The following METAP1 variants were observed in gnomAD, a reference collection of about 807,000 sequenced individuals.
METAP1 encodes methionyl aminopeptidase 1.
METAP1 carries 28 observed loss-of-function variants against 53.8 expected under a neutral mutation model. That is an observed-to-expected ratio of 0.52 (90% confidence interval 0.39 to 0.71). METAP1 has a LOEUF of 0.71. METAP1 is among the 30% of genes least tolerant of loss of function. The pLI, the probability that METAP1 is intolerant of heterozygous loss-of-function variation, is 0.00. For synonymous variants in METAP1, 181 were observed against 165.7 expected (o/e 1.09, Z -0.71); for missense variants, 389 against 479.8 (o/e 0.81, Z 1.77).
chr4:99,014,257 A>G (rs953334626), intron 1 of METAP1, among the ~76,000 whole-genome samples: 1 of 152,198 alleles, frequency 6.6e-6, no homozygotes, highest in African/African-American at 2.4e-5. Flanking sequence ...TAAAGCAGTA[A>G]GTCCCTCTAG....
intron 1 of METAP1, among the ~76,000 whole-genome samples, chr4:99,014,286 A>G (rs530900350): frequency 5.7e-4 from 87 of 152,254 alleles, no homozygotes; most frequent in Admixed American, 1.7e-3. Context: ...TTATACTTCT[A>G]TCTGGGGCTG....
rs1560685144 is a variant in METAP1 at position 98,995,723 on chromosome 4, C to T, written c.-31C>T. ...CTCCCTCCCGCCGCCGCCTCTTCCT[C>T]GGTGAGGCGCTCTTCCAGCGGGCAG... On this transcript the variant is annotated 5_prime_UTR_variant, in exon 1 of 11. Coordinates refer to ENST00000296411, the MANE Select transcript of METAP1 (RefSeq NM_015143.3). 22 of 1,526,424 alleles carry T rather than the reference C, an allele frequency of 1.4e-5. No homozygotes were observed. Among genetic ancestry groups the T allele is most frequent in the Admixed American group, 1.4e-4 (7 of 50,698 alleles). The allele number at this position is 1,526,424 out of a possible 1,614,324, so 94.6% of individuals were successfully genotyped here.
At chr4:99,018,585 C>G (rs1723912541) in intron 1 of METAP1, among the ~76,000 whole-genome samples, 1 of 152,116 alleles carries the variant, frequency 6.6e-6, no homozygotes, top group African/African-American at 2.4e-5. Flanking sequence ...CAGAAAGCAT[C>G]CTTTAAGTCT....
At chr4:99,029,233 T>C (rs1724812759) in intron 2 of METAP1, among the ~76,000 whole-genome samples, 1 of 152,182 alleles carries the variant, frequency 6.6e-6, no homozygotes, top group South Asian at 2.1e-4. Flanking sequence ...GTTTGCATAT[T>C]GTAGTCAGGG....
At chr4:99,007,049 C>G (rs1723209459) in intron 1 of METAP1, among the ~76,000 whole-genome samples, 1 of 151,914 alleles carries the variant, frequency 6.6e-6, no homozygotes, top group Non-Finnish European at 1.5e-5. Context: ...CCTCAACCTC[C>G]TGAGCTCAAG....
At chr4:99,043,486 T>G in intron 7 of METAP1, 99 bp downstream of exon 7, 1 of 1,269,372 alleles carries the variant, frequency 7.9e-7, no homozygotes, top group Non-Finnish European at 1.1e-6. Flanking sequence ...CTTCCTGTAC[T>G]TAAACTTTTT....
At chr4:99,032,210 GT>G (rs150846945) in intron 2 of METAP1, among the ~76,000 whole-genome samples, 10 of 147,030 alleles carry the variant, frequency 6.8e-5, no homozygotes, top group South Asian at 2.2e-4. Flanking sequence ...CTTTACATTC[GT>G]TTTTTTTTTG....
chr4:99,005,351 G>T (rs1218364735), intron 1 of METAP1, among the ~76,000 whole-genome samples: 1 of 152,078 alleles, frequency 6.6e-6, no homozygotes, highest in Non-Finnish European at 1.5e-5. Flanking sequence ...TTTCTCAAAA[G>T]AAGATATGGC....
In METAP1 at chr4:99,034,775, G is replaced by A. The variant is rs753529102; in HGVS notation, c.279+433G>A. On this transcript the variant is annotated intron_variant, in intron 3 of 10. Transcript: ENST00000296411. Reference sequence around the variant, plus strand: ...AGATGCAGAACCAGGAGATATGGAGGACTGACTGTATTATACTTTTCTAAA... The same window carrying A: ...AGATGCAGAACCAGGAGATATGGAGAACTGACTGTATTATACTTTTCTAAA... Among the ~76,000 whole-genome samples the A allele has an allele frequency of 1.6e-4, 25 of 152,192 alleles. 1 individual carries two copies. The highest frequency in any genetic ancestry group is 2.1e-4 in the South Asian group (1 of 4,824).
chr4:99,055,933 T>C (rs1388571521), intron 9 of METAP1, among the ~76,000 whole-genome samples: 1 of 152,254 alleles, frequency 6.6e-6, no homozygotes, highest in Non-Finnish European at 1.5e-5. Context: ...TTTGTTTTTC[T>C]TTTCTTCCTT....
chr4:99,022,761 G>T, intron 1 of METAP1: 3 of 1,602,386 alleles, frequency 1.9e-6, no homozygotes, highest in African/African-American at 2.7e-5. Flanking sequence ...GTGTTGTGTA[G>T]ACTGGCCGCC....
intron 6 of METAP1, among the ~76,000 whole-genome samples, chr4:99,041,691 C>T (rs896166746): frequency 1.1e-4 from 17 of 151,676 alleles, no homozygotes; most frequent in African/African-American, 1.9e-4. Context: ...GCAGATCACA[C>T]GTGTTCTAGT....
At chr4:99,025,175 G>A (rs1451876242) in intron 1 of METAP1, among the ~76,000 whole-genome samples, 1 of 152,214 alleles carries the variant, frequency 6.6e-6, no homozygotes, top group African/African-American at 2.4e-5. Context: ...ATGGCCTGGG[G>A]TTTGGGGACC....
chr4:99,045,549 C>T (rs1379874221), intron 8 of METAP1, among the ~76,000 whole-genome samples: 1 of 152,044 alleles, frequency 6.6e-6, no homozygotes, highest in East Asian at 1.9e-4. Context: ...CTTTTCTTTG[C>T]CTGATAAATG....
At chr4:99,038,438 A>G (rs945573986) in intron 4 of METAP1, among the ~76,000 whole-genome samples, 4 of 151,840 alleles carry the variant, frequency 2.6e-5, no homozygotes, top group African/African-American at 9.7e-5. Context: ...CTAGATGATT[A>G]TTTACTTTTA....
chr4:99,024,609 G>T (rs886587746), intron 1 of METAP1, among the ~76,000 whole-genome samples: 1 of 152,212 alleles, frequency 6.6e-6, no homozygotes, highest in African/African-American at 2.4e-5. Context: ...CAAGTGCAGA[G>T]TCTGCAAAAT....
chr4:99,054,040 A>G (rs1726918709), intron 9 of METAP1, among the ~76,000 whole-genome samples: 1 of 148,184 alleles, frequency 6.7e-6, no homozygotes, highest in Admixed American at 6.6e-5. Flanking sequence ...TAGGAATGGT[A>G]GATGAGCATT....
intron 1 of METAP1, 33 bp downstream of exon 1, chr4:98,995,900 G>GCTGCGGGACCCCTCCTCGCTTCTCCC: frequency 6.7e-7 from 1 of 1,488,548 alleles, no homozygotes; most frequent in South Asian, 1.2e-5. Context: ...ATATGCCGCC[G>GCTGCGGGACCCCTCCTCGCTTCTCCC]CTGCGGGACC....
Position 99,051,772 on chromosome 4 carries a change from AG to A in METAP1, c.931+2899del, listed in dbSNP as rs199943970. Among the ~76,000 whole-genome samples, 9 of 151,686 alleles carry A rather than the reference AG, an allele frequency of 5.9e-5. 1 individual carries two copies. Among genetic ancestry groups the A allele is most frequent in the Admixed American group, 4.6e-4 (7 of 15,214 alleles). ...ACTGTAGGGAAGTATTAAACTATTG[AG>A]GGTTTTTTTTTTTGTATAGCAGAGA... On this transcript the variant is annotated intron_variant, in intron 9 of 10. Coordinates refer to ENST00000296411, the MANE Select transcript of METAP1 (RefSeq NM_015143.3).
Sources: gnomAD v4.1 joint callset for allele counts (sites outside exome capture counted in the v4.1 genomes callset) on GRCh38, gnomAD v4.1.1 for gene constraint, MANE v1.5 for transcripts, NCBI Gene and HGNC (gene_info 2026-07-23, HGNC 2026-07-21) for gene names.